The following YKT6 variants were observed in gnomAD, a reference collection of about 807,000 sequenced individuals.
YKT6 encodes the protein YKT6 vesicular SNARE protein.
Under a neutral mutation model 29.3 loss-of-function variants are expected in YKT6, and 12 were observed. That is an observed-to-expected ratio of 0.41 (90% CI 0.26 to 0.66). The LOEUF is 0.66. YKT6 is among the 30% of genes least tolerant of loss of function. YKT6 has a pLI of 0.32. For missense variants in YKT6, 188 were observed against 243.8 expected, an observed-to-expected ratio of 0.77 and a Z score of 1.52; for synonymous variants, 86 against 94.3, an observed-to-expected ratio of 0.91 and a Z score of 0.51.
At position 44,213,861 on chromosome 7, in the gene YKT6, C is replaced by T. The variant is rs12536934; in HGVS notation, c.*1579C>T. The stretch of plus-strand genomic sequence containing the variant: ...CTGGCCAGAGGACTTTAGCCTACCC[C>T]TGAAGAGCCTGTCCATGTCATTTTC... On this transcript the variant is annotated 3_prime_UTR_variant, in exon 7 of 7. Coordinates refer to ENST00000223369, the MANE Select transcript of YKT6 (RefSeq NM_006555.4). 6.6e-6 allele frequency: 1 copy of T among 152,272 alleles called. No individual in the cohort carries two copies. Among genetic ancestry groups the T allele is most frequent in the African/African-American group, 2.4e-5 (1 of 41,436 alleles). The allele number at this position is 152,272 out of a possible 1,614,324, so 9.4% of individuals were successfully genotyped here.
intron 5 of YKT6, 44 bp from the exon 6 acceptor site, chr7:44,210,979 G>A (rs1583650425): frequency 3.1e-6 from 5 of 1,599,856 alleles, no homozygotes; most frequent in African/African-American, 1.3e-5. Flanking sequence ...TCATGTCAGG[G>A]CACGTACTGA....
intron 5 of YKT6, chr7:44,208,463 C>A: frequency 2.3e-6 from 1 of 426,942 alleles, no homozygotes; most frequent in Non-Finnish European, 4.3e-6. Flanking sequence ...TGGCTACTGC[C>A]TGTCTGACCA....
intron 6 of YKT6, chr7:44,211,431 T>G (rs781086373): frequency 1.4e-6 from 1 of 723,760 alleles, no homozygotes; most frequent in Non-Finnish European, 1.8e-6. Context: ...GTTCAAGTTC[T>G]GATCACCAGA....
intron 5 of YKT6, among the ~76,000 whole-genome samples, chr7:44,210,299 G>T (rs1583649843): frequency 1.3e-5 from 2 of 152,166 alleles, no homozygotes; most frequent in South Asian, 4.1e-4. Context: ...TGTCTTTTGG[G>T]GCTCTGAGTG....
chr7:44,207,538 C>T (rs1348266772), intron 4 of YKT6, 46 bp downstream of exon 4: 1 of 1,575,678 alleles, frequency 6.3e-7, no homozygotes, highest in Non-Finnish European at 8.7e-7. Context: ...GCCCAGAATC[C>T]ATGTGAAACT....
At chr7:44,208,523 G>T in intron 5 of YKT6, 1 of 324,928 alleles carries the variant, frequency 3.1e-6, no homozygotes. Flanking sequence ...TTCCCACCCT[G>T]GTGCCTTTGT....
At chr7:44,201,284 A>C (rs1372161097) in intron 1 of YKT6, 45 bp downstream of exon 1, 1 of 1,500,052 alleles carries the variant, frequency 6.7e-7, no homozygotes, top group Non-Finnish European at 9.0e-7. Context: ...GGCGGAGAGG[A>C]CTGGGGTGGG....
At chr7:44,204,125 A>G (rs1488107570) in intron 1 of YKT6, among the ~76,000 whole-genome samples, 2 of 152,222 alleles carry the variant, frequency 1.3e-5, no homozygotes, top group Non-Finnish European at 2.9e-5. Flanking sequence ...AGGGTCTGTC[A>G]TGTGGACACA....
chr7:44,203,516 C>T (rs1246179886), intron 1 of YKT6, among the ~76,000 whole-genome samples: 1 of 152,210 alleles, frequency 6.6e-6, no homozygotes, highest in African/African-American at 2.4e-5. Context: ...TGTCACAATG[C>T]AGTTCTTCCT....
Position 44,212,493 on chromosome 7 carries a change from G to A in YKT6, c.*211G>A, listed in dbSNP as rs2096347939. 1.8e-6 allele frequency: 1 copy of A among 549,250 alleles called. No individual in the cohort carries two copies. Among genetic ancestry groups the A allele is most frequent in the Non-Finnish European group, 3.1e-6 (1 of 324,776 alleles). The allele number at this position is 549,250 out of a possible 1,614,324, so 34.0% of individuals were successfully genotyped here. A position where few individuals can be genotyped will look rare whatever the true frequency, so the allele number is the denominator to read the frequency against. ...GTAGTGATTCTTGGAAAGAATTTGA[G>A]GTCCCCAAAGGTGTATTTTTGGGCA... On this transcript the variant is annotated 3_prime_UTR_variant, in exon 7 of 7. Transcript: ENST00000223369.
chr7:44,207,621 A>G lies in YKT6; in HGVS notation c.393+129A>G, dbSNP rs1175176219. On this transcript the variant is annotated intron_variant, in intron 4 of 6. Transcript: ENST00000223369. ...CTTCTGATGCTGGTGTCCTCTCTCA[A>G]GCCTTACTGTTTGGAAAACAGAGAA... 6.6e-6 allele frequency: 5 copies of G among 754,524 alleles called. No homozygotes were observed. The East Asian group carries it at 1.4e-4, about 21-fold the overall frequency. 46.7% of individuals were successfully genotyped at this position (754,524 alleles called of 1,614,324 possible).
At chr7:44,204,685 G>A (rs759738260) in intron 2 of YKT6, 35 bp downstream of exon 2, 3 of 1,607,716 alleles carry the variant, frequency 1.9e-6, no homozygotes, top group Non-Finnish European at 2.6e-6. Context: ...GCGTGTGCTG[G>A]CCTGGCTGCC....
At chr7:44,209,332 A>G (rs771920107) in intron 5 of YKT6, among the ~76,000 whole-genome samples, 2 of 152,228 alleles carry the variant, frequency 1.3e-5, no homozygotes, top group African/African-American at 2.4e-5. Context: ...ACTGCACTCC[A>G]AATAACGTGG....
At chr7:44,210,706 A>G in intron 5 of YKT6, 2 of 415,274 alleles carry the variant, frequency 4.8e-6, no homozygotes, top group South Asian at 3.7e-5. Context: ...ACACAAATGT[A>G]TATATAAATG....
chr7:44,205,596 T>C (rs962981636), intron 2 of YKT6, among the ~76,000 whole-genome samples: 9 of 152,258 alleles, frequency 5.9e-5, no homozygotes, highest in African/African-American at 1.7e-4. Flanking sequence ...TGGAATCTTC[T>C]GGGTCAGATC....
At position 44,211,048 on chromosome 7, in the gene YKT6, A is replaced by G. The variant is rs756189723; in HGVS notation, c.485A>G (p.Glu162Gly). 3.1e-6 allele frequency: 5 copies of G among 1,614,006 alleles called. No homozygotes were observed. The East Asian group carries it at 6.7e-5, about 22-fold the overall frequency. The change falls in exon 6 of 7, where the codon GAG (glutamate) becomes GGG (glycine). Residue 162 changes from glutamate to glycine, a missense_variant. Physicochemically the swap from Glu to Gly is moderately conservative, Grantham distance 98. Around this residue, in one of 3 missense-constraint regions of YKT6, gnomAD observed 100 missense variants for 136.3 expected, o/e 0.73. Transcript: ENST00000223369. ...CACAACACCATGGAGTCTCTGTTAG[A>G]GCGAGGTGAGAAGCTAGATGACTTG... ...ILHNTMESLL[E>G]RGEKLDDLVS...
rs866482712 is a variant in YKT6, at chr7:44,212,829, C to T, written c.*547C>T. On this transcript the variant is annotated 3_prime_UTR_variant, in exon 7 of 7. Transcript: ENST00000223369. ...CCCACTTCAGGCCCAAGGCCTGGGGCGGGGGGAACAGTCACTGGGTCTCAG... is the reference window on the plus strand; with the variant it reads ...CCCACTTCAGGCCCAAGGCCTGGGGTGGGGGGAACAGTCACTGGGTCTCAG... 130 of 152,448 alleles carry T rather than the reference C, an allele frequency of 8.5e-4. No individual in the cohort carries two copies. The highest frequency in any genetic ancestry group is 2.9e-3 in the African/African-American group (120 of 41,556). 9.4% of individuals were successfully genotyped at this position (152,448 alleles called of 1,614,324 possible). A position where few individuals can be genotyped will look rare whatever the true frequency, so the allele number is the denominator to read the frequency against.
At chr7:44,211,789 G>A (rs1240342104) in intron 6 of YKT6, among the ~76,000 whole-genome samples, 2 of 152,222 alleles carry the variant, frequency 1.3e-5, no homozygotes, top group African/African-American at 4.8e-5. Context: ...GGCAACAGTG[G>A]TCCCCACAAA....
At position 44,201,035 on chromosome 7, in the gene YKT6, G is replaced by C. The variant is rs990005583; in HGVS notation, c.-101G>C. ...GGCCCCGTCAGCAGCCGGCTGCTGA[G>C]AGGCCGGTAGGCGGCGGCGGTCCCG... On this transcript the variant is annotated 5_prime_UTR_variant, in exon 1 of 7. Transcript: ENST00000223369. 3 of 996,854 alleles carry C rather than the reference G, an allele frequency of 3.0e-6. No homozygotes were observed. Among genetic ancestry groups the C allele is most frequent in the Non-Finnish European group, 2.8e-6 (2 of 707,538 alleles). 61.8% of individuals were successfully genotyped at this position (996,854 alleles called of 1,614,324 possible).
Sources: allele counts gnomAD v4.1 joint callset (sites outside exome capture counted in the v4.1 genomes callset), GRCh38; gene constraint gnomAD v4.1.1; regional missense constraint gnomAD v4.1.1; transcripts MANE v1.5; gene names NCBI Gene and HGNC (gene_info 2026-07-23, HGNC 2026-07-21).